The following ABLIM3 variants were observed in gnomAD, a reference collection of about 807,000 sequenced individuals.
The protein encoded by ABLIM3 is actin binding LIM protein family member 3, also known as actin-binding LIM protein 3.
A neutral mutation model predicts 109.5 loss-of-function variants in ABLIM3; 61 were observed. That is an observed-to-expected ratio of 0.56 (90% CI 0.45 to 0.69). The LOEUF (loss-of-function observed/expected upper bound fraction) is 0.69. Among genes scored for constraint, ABLIM3 ranks in the 30% least tolerant of loss-of-function variants. The pLI is 0.00. For synonymous variants in ABLIM3, 300 were observed against 324.8 expected (o/e 0.92, Z 0.82); for missense variants, 796 against 889.5 (o/e 0.89, Z 1.34).
At chr5:149,224,401 A>T (rs1278951917) in intron 8 of ABLIM3, among the ~76,000 whole-genome samples, 1 of 152,158 alleles carries the variant, frequency 6.6e-6, no homozygotes, top group South Asian at 2.1e-4. Context: ...CAACCTCTTT[A>T]TTAAGCTTCA....
intron 2 of ABLIM3, among the ~76,000 whole-genome samples, chr5:149,145,417 T>A (rs1752820491): frequency 6.6e-6 from 1 of 152,206 alleles, no homozygotes; most frequent in Admixed American, 6.5e-5. Flanking sequence ...GTTGATTCCG[T>A]ATCTTTATTA....
intron 9 of ABLIM3, among the ~76,000 whole-genome samples, chr5:149,231,680 G>A (rs536158066): frequency 5.3e-4 from 81 of 152,264 alleles, no homozygotes; most frequent in Non-Finnish European, 9.6e-4. Flanking sequence ...TCCCATTTAA[G>A]GTATAAGACC....
chr5:149,240,527 C>A, intron 13 of ABLIM3, 149 bp from the exon 14 acceptor site: 1 of 650,182 alleles, frequency 1.5e-6, no homozygotes, highest in Non-Finnish European at 2.8e-6. Context: ...CATGCTGCTT[C>A]CGCCCCGGAA....
chr5:149,189,373 A>T (rs547996806), intron 3 of ABLIM3, among the ~76,000 whole-genome samples: 3 of 152,356 alleles, frequency 2.0e-5, no homozygotes, highest in Non-Finnish European at 4.4e-5. Flanking sequence ...ATCAAAATTT[A>T]AAACTTTTGT....
chr5:149,215,966 C>G (rs1408034016), intron 7 of ABLIM3, among the ~76,000 whole-genome samples: 1 of 152,174 alleles, frequency 6.6e-6, no homozygotes, highest in Non-Finnish European at 1.5e-5. Flanking sequence ...GTTTCTTCCC[C>G]CCATGGAAGT....
rs752984813 is a variant in ABLIM3 at position 149,247,773 on chromosome 5, G to A, written c.1552-9G>A. 13 of 1,614,028 alleles carry A rather than the reference G, an allele frequency of 8.1e-6. No homozygotes were observed. The highest frequency in any genetic ancestry group is 2.7e-5 in the African/African-American group (2 of 74,922). ...TTCTAACTTTATCTTGCTCTTCCCC[G>A]ACCCTCAGCTCCAAAGTGGAATTGG... On this transcript the variant is annotated splice_polypyrimidine_tract_variant and intron_variant, in intron 17 of 23. Coordinates refer to ENST00000309868, the MANE Select transcript of ABLIM3 (RefSeq NM_014945.5).
intron 9 of ABLIM3, among the ~76,000 whole-genome samples, chr5:149,232,404 G>C (rs965099239): frequency 6.6e-6 from 1 of 152,204 alleles, no homozygotes. Context: ...CAAGGGGATT[G>C]AAACGTTAGA....
At chr5:149,157,581 G>T (rs532373893) in intron 2 of ABLIM3, among the ~76,000 whole-genome samples, 1 of 135,852 alleles carries the variant, frequency 7.4e-6, no homozygotes, top group South Asian at 2.3e-4. Context: ...ATCCACCTTG[G>T]CCACAAGGAT....
At chr5:149,258,068 C>A (rs1333834697) in intron 23 of ABLIM3, among the ~76,000 whole-genome samples, 1 of 152,180 alleles carries the variant, frequency 6.6e-6, no homozygotes, top group East Asian at 1.9e-4. Context: ...GCCTCTTCAG[C>A]CAAATCAGCT....
At chr5:149,196,139 T>C (rs2127493090) in intron 3 of ABLIM3, among the ~76,000 whole-genome samples, 1 of 152,302 alleles carries the variant, frequency 6.6e-6, no homozygotes, top group Middle Eastern at 3.4e-3. Context: ...CCCACTGTCC[T>C]GAGCTGTTCC....
intron 5 of ABLIM3, 139 bp downstream of exon 5, chr5:149,200,567 C>T (rs1758398778): frequency 3.9e-6 from 3 of 766,762 alleles, no homozygotes; most frequent in Non-Finnish European, 6.5e-6. Flanking sequence ...TGCATCATGA[C>T]CCCATTGGCA....
At chr5:149,168,981 G>A (rs1305182976) in intron 2 of ABLIM3, among the ~76,000 whole-genome samples, 7 of 146,550 alleles carry the variant, frequency 4.8e-5, no homozygotes, top group South Asian at 4.3e-4. Context: ...TCCCCACCCC[G>A]GTGATTCTGA....
intron 8 of ABLIM3, among the ~76,000 whole-genome samples, chr5:149,226,000 A>G (rs1383097053): frequency 6.2e-4 from 68 of 109,438 alleles, no homozygotes; most frequent in African/African-American, 2.4e-3. Context: ...ATATATATAT[A>G]TATATATATA....
intron 5 of ABLIM3, among the ~76,000 whole-genome samples, chr5:149,204,381 C>T (rs1248613923): frequency 1.3e-5 from 2 of 152,160 alleles, no homozygotes; most frequent in African/African-American, 4.8e-5. Context: ...TCCTGGGTGG[C>T]ATGCCTGAGG....
rs1438713751 is a variant in ABLIM3 at position 149,217,049 on chromosome 5, A to G, written c.757+3A>G. 6.2e-7 allele frequency: 1 copy of G among 1,613,980 alleles called. No homozygotes were observed. Among genetic ancestry groups the G allele is most frequent in the African/African-American group, 1.3e-5 (1 of 75,058 alleles). ...AGGAGAGGAAATGTACCTCACAGGTAAGTAAATCTGACCCTCTGTAAGGCC... is the reference window on the plus strand; with the variant it reads ...AGGAGAGGAAATGTACCTCACAGGTGAGTAAATCTGACCCTCTGTAAGGCC... On this transcript the variant is annotated splice_donor_region_variant and intron_variant, in intron 8 of 23. Coordinates refer to ENST00000309868, the MANE Select transcript of ABLIM3 (RefSeq NM_014945.5).
intron 2 of ABLIM3, among the ~76,000 whole-genome samples, chr5:149,161,937 G>A (rs774526930): frequency 6.6e-6 from 1 of 151,874 alleles, no homozygotes; most frequent in African/African-American, 2.4e-5. Context: ...CGCCTATAGA[G>A]AAAAGAAAGC....
chr5:149,248,091 T>C (rs1753564702), intron 18 of ABLIM3, among the ~76,000 whole-genome samples, 162 bp downstream of exon 18: 1 of 152,234 alleles, frequency 6.6e-6, no homozygotes. Flanking sequence ...TTGCCCAAGA[T>C]CACTCAATTT....
At chr5:149,238,314 C>T (rs1410893481) in intron 11 of ABLIM3, among the ~76,000 whole-genome samples, 2 of 152,172 alleles carry the variant, frequency 1.3e-5, no homozygotes, top group African/African-American at 4.8e-5. Flanking sequence ...GCAGCAGAAG[C>T]CTGTCCTGGT....
chr5:149,258,741 T>C lies in ABLIM3; in HGVS notation c.*337T>C, dbSNP rs1754668898. ...TGAAGAAGTCTCTCTTCTCTCTGCTTCGTGGCCCCTTTCTTAAATTTCTAG... is the reference window on the plus strand; with the variant it reads ...TGAAGAAGTCTCTCTTCTCTCTGCTCCGTGGCCCCTTTCTTAAATTTCTAG... On this transcript the variant is annotated 3_prime_UTR_variant, in exon 24 of 24. Coordinates refer to ENST00000309868, the MANE Select transcript of ABLIM3 (RefSeq NM_014945.5). 9.9e-7 allele frequency: 1 copy of C among 1,009,942 alleles called. No homozygotes were observed. The highest frequency in any genetic ancestry group is 1.2e-6 in the Non-Finnish European group (1 of 846,720). The allele number at this position is 1,009,942 out of a possible 1,614,324, so 62.6% of individuals were successfully genotyped here. A position where few individuals can be genotyped will look rare whatever the true frequency, so the allele number is the denominator to read the frequency against.
Sources: gnomAD v4.1 joint callset for allele counts (sites outside exome capture counted in the v4.1 genomes callset) on GRCh38, gnomAD v4.1.1 for gene constraint, MANE v1.5 for transcripts, NCBI Gene and HGNC (gene_info 2026-07-23, HGNC 2026-07-21) for gene names.